The following CNTNAP5 variants were observed in gnomAD, a reference collection of about 807,000 sequenced individuals.
CNTNAP5 encodes contactin-associated protein-like 5.
CNTNAP5 carries 72 observed loss-of-function variants against 150.2 expected under a neutral mutation model. The observed-to-expected ratio is 0.48, with a 90% CI of 0.40 to 0.58. CNTNAP5 has a LOEUF of 0.58. CNTNAP5 is among the 20% of genes least tolerant of loss of function. The pLI is 0.00. For synonymous variants in CNTNAP5, 672 were observed against 619.8 expected (o/e 1.08, Z -1.25); for missense variants, 1,636 against 1,626.2 (o/e 1.01, Z -0.10).
rs113146108 is a variant in CNTNAP5, at chr2:124,697,220, C to T, written c.2077+49262C>T. On this transcript the variant is annotated intron_variant, in intron 13 of 23. Coordinates refer to ENST00000682447, the MANE Select transcript of CNTNAP5 (RefSeq NM_001367498.1). Reference sequence around the variant, plus strand: ...TCACATTGTACATTTGTGTGGTGCACTTATTGCAATTAATGGGCCCATATT... The same window carrying T: ...TCACATTGTACATTTGTGTGGTGCATTTATTGCAATTAATGGGCCCATATT... 2.1e-4 allele frequency among the ~76,000 whole-genome samples: 32 copies of T among 152,262 alleles called. 1 individual carries two copies. The highest frequency in any genetic ancestry group is 2.1e-3 in the South Asian group (10 of 4,826).
In CNTNAP5 at chr2:124,151,446, G is replaced by A. The variant is rs146717105; in HGVS notation, c.83-70259G>A. On this transcript the variant is annotated intron_variant, in intron 1 of 23. Transcript: ENST00000682447. ...ACTTTGTCAAGAGCACTTGGAAGTC[G>A]GATGAACCAGGTTTAAAAATCAGCT... Among the ~76,000 whole-genome samples the A allele has an allele frequency of 1.5e-3, 232 of 152,220 alleles. 1 individual carries two copies. The highest frequency in any genetic ancestry group is 4.8e-3 in the African/African-American group (199 of 41,522).
chr2:124,075,812 T>C (rs987914206), intron 1 of CNTNAP5, among the ~76,000 whole-genome samples: 7 of 152,176 alleles, frequency 4.6e-5, no homozygotes, highest in East Asian at 1.9e-4. Context: ...GCATCTCTTA[T>C]GTATGTGGTG....
At chr2:124,417,063 G>A (rs750641727) in intron 3 of CNTNAP5, among the ~76,000 whole-genome samples, 5 of 150,522 alleles carry the variant, frequency 3.3e-5, no homozygotes, top group Non-Finnish European at 7.4e-5. Flanking sequence ...TCAGTCTCTC[G>A]GGTAGCTGGG....
chr2:124,072,471 A>T lies in CNTNAP5; in HGVS notation c.82+46739A>T, dbSNP rs911109056. 7.2e-5 allele frequency among the ~76,000 whole-genome samples: 11 copies of T among 152,130 alleles called. No individual in the cohort carries two copies. In the East Asian group the frequency reaches 1.2e-3, roughly 16 times the overall value. Reference sequence around the variant, plus strand: ...TTGCAGACAATATGATCTTATATCCAGAAAAACAAGGATTTCACCAAGAAA... The same window carrying T: ...TTGCAGACAATATGATCTTATATCCTGAAAAACAAGGATTTCACCAAGAAA... On this transcript the variant is annotated intron_variant, in intron 1 of 23. Transcript: ENST00000682447.
chr2:124,616,481 C>T (rs547927848), intron 12 of CNTNAP5, among the ~76,000 whole-genome samples: 1 of 152,168 alleles, frequency 6.6e-6, no homozygotes, highest in Non-Finnish European at 1.5e-5. Context: ...GAATGTCGTG[C>T]CTGGCTTGAT....
intron 17 of CNTNAP5, among the ~76,000 whole-genome samples, chr2:124,787,076 A>AC (rs35158684): frequency 1.3e-5 from 2 of 151,944 alleles, no homozygotes; most frequent in African/African-American, 4.8e-5. Context: ...GAAACCACCA[A>AC]CCCCAGTCAT....
At chr2:124,252,491 C>T (rs1687209550) in intron 3 of CNTNAP5, among the ~76,000 whole-genome samples, 1 of 152,166 alleles carries the variant, frequency 6.6e-6, no homozygotes, top group Non-Finnish European at 1.5e-5. Context: ...TTTCTGAGCC[C>T]TCTCTGGGGA....
chr2:124,301,524 G>T (rs2104646466), intron 3 of CNTNAP5, among the ~76,000 whole-genome samples: 1 of 152,268 alleles, frequency 6.6e-6, no homozygotes, highest in Admixed American at 6.5e-5. Flanking sequence ...AAATTATGCT[G>T]CTCAGCTTGG....
chr2:124,126,184 G>A (rs1233783782), intron 1 of CNTNAP5, among the ~76,000 whole-genome samples: 1 of 151,944 alleles, frequency 6.6e-6, no homozygotes, highest in African/African-American at 2.4e-5. Context: ...TAATAAAGAA[G>A]AAAAGACAGA....
intron 13 of CNTNAP5, among the ~76,000 whole-genome samples, chr2:124,671,718 C>A (rs1678826940): frequency 6.6e-6 from 1 of 152,168 alleles, no homozygotes; most frequent in Non-Finnish European, 1.5e-5. Context: ...TGGCTCACTG[C>A]AACTTCTGCC....
chr2:124,087,247 A>G (rs1682713144), intron 1 of CNTNAP5, among the ~76,000 whole-genome samples: 1 of 151,850 alleles, frequency 6.6e-6, no homozygotes, highest in Admixed American at 6.5e-5. Flanking sequence ...AGCTTACTGA[A>G]TCTACCCACA....
chr2:124,516,839 A>G (rs1421456420), intron 8 of CNTNAP5, among the ~76,000 whole-genome samples: 2 of 151,962 alleles, frequency 1.3e-5, no homozygotes, highest in Admixed American at 1.3e-4. Context: ...TAGAAATTTT[A>G]TGGAGGAATT....
chr2:124,190,781 A>T (rs553092337), intron 1 of CNTNAP5, among the ~76,000 whole-genome samples: 1 of 152,338 alleles, frequency 6.6e-6, no homozygotes, highest in African/African-American at 2.4e-5. Flanking sequence ...TATTACACAC[A>T]TGTATATGCA....
chr2:124,315,276 C>T (rs906837416), intron 3 of CNTNAP5, among the ~76,000 whole-genome samples: 5 of 152,192 alleles, frequency 3.3e-5, no homozygotes, highest in African/African-American at 7.2e-5. Context: ...ATACGCCTTT[C>T]TGTCTGGTCA....
At chr2:124,558,541 G>A (rs1047520219) in intron 10 of CNTNAP5, among the ~76,000 whole-genome samples, 3 of 152,210 alleles carry the variant, frequency 2.0e-5, no homozygotes, top group African/African-American at 7.2e-5. Context: ...AGTCACTGGT[G>A]TGTAGCCGTG....
rs187774989 is a variant in CNTNAP5 at position 124,724,531 on chromosome 2, C to T, written c.2078-22698C>T. On this transcript the variant is annotated intron_variant, in intron 13 of 23. Coordinates refer to ENST00000682447, the MANE Select transcript of CNTNAP5 (RefSeq NM_001367498.1). ...TAATTCACCAATATTTTCTGATAGCCTATGCTCAAATCACCATAATAGTAA... is the reference window on the plus strand; with the variant it reads ...TAATTCACCAATATTTTCTGATAGCTTATGCTCAAATCACCATAATAGTAA... Among the ~76,000 whole-genome samples the T allele has an allele frequency of 1.2e-4, 19 of 152,198 alleles. No homozygotes were observed. In the East Asian group the frequency reaches 3.5e-3, roughly 28 times the overall value.
chr2:124,372,536 A>C (rs914322546), intron 3 of CNTNAP5, among the ~76,000 whole-genome samples: 8 of 152,130 alleles, frequency 5.3e-5, no homozygotes, highest in African/African-American at 1.9e-4. Context: ...AAGACCTAGG[A>C]ACCAACTTGC....
At chr2:124,237,709 C>T (rs193137079) in intron 2 of CNTNAP5, among the ~76,000 whole-genome samples, 79 of 152,068 alleles carry the variant, frequency 5.2e-4, no homozygotes, top group Middle Eastern at 3.4e-3. Flanking sequence ...TGGTGGCACA[C>T]GCCTGTAATC....
chr2:124,605,216 C>A (rs1336761494), intron 11 of CNTNAP5, among the ~76,000 whole-genome samples: 1 of 152,196 alleles, frequency 6.6e-6, no homozygotes, highest in African/African-American at 2.4e-5. Context: ...CCCAGCCAAT[C>A]CCAGACTAAA....
Sources: allele counts gnomAD v4.1 joint callset (sites outside exome capture counted in the v4.1 genomes callset), GRCh38; gene constraint gnomAD v4.1.1; transcripts MANE v1.5; gene names NCBI Gene and HGNC (gene_info 2026-07-23, HGNC 2026-07-21).